Variants in PLSCR2 observed in about 807,000 individuals in gnomAD.
PLSCR2 encodes the protein PL scramblase 2.
Under a neutral mutation model 25.3 loss-of-function variants are expected in PLSCR2, and 18 were observed. The observed-to-expected ratio is 0.71, with a 90% confidence interval of 0.49 to 1.06. The LOEUF (loss-of-function observed/expected upper bound fraction) is 1.06. Ranked by LOEUF, PLSCR2 falls within the 50% of genes least tolerant of loss-of-function variation. The pLI is 0.00. For synonymous variants in PLSCR2, 88 were observed against 87.3 expected, an observed-to-expected ratio of 1.01 and a Z score of -0.04; for missense variants, 243 against 269.5, an observed-to-expected ratio of 0.90 and a Z score of 0.69.
At chr3:146,482,791 C>A (rs1325913861) in intron 1 of PLSCR2, among the ~76,000 whole-genome samples, 1 of 152,134 alleles carries the variant, frequency 6.6e-6, no homozygotes, top group Admixed American at 6.5e-5. Flanking sequence ...TTTATTGCAG[C>A]ACTATTCACA....
At chr3:146,452,861 T>C (rs1228166059) in intron 5 of PLSCR2, among the ~76,000 whole-genome samples, 1 of 151,926 alleles carries the variant, frequency 6.6e-6, no homozygotes, top group South Asian at 2.1e-4. Context: ...AAAGTTCCTA[T>C]ACATACATAT....
chr3:146,438,476 T>C (rs1267168134), downstream of PLSCR2, among the ~76,000 whole-genome samples: 2 of 152,248 alleles, frequency 1.3e-5, no homozygotes, highest in Non-Finnish European at 2.9e-5. Flanking sequence ...GATGCATATA[T>C]ATTTAGGATA....
At chr3:146,463,444 C>A (rs893909633), upstream of PLSCR2, among the ~76,000 whole-genome samples, 4 of 152,162 alleles carry the variant, frequency 2.6e-5, no homozygotes, top group Non-Finnish European at 4.4e-5. Flanking sequence ...CGTGAGCCAC[C>A]GCGCCCTGCC....
chr3:146,392,321 T>A (rs2038106752), intron 3 of PLSCR2, among the ~76,000 whole-genome samples: 1 of 152,118 alleles, frequency 6.6e-6, no homozygotes, highest in African/African-American at 2.4e-5. Flanking sequence ...GAGCACTTGA[T>A]TCCTTAAATC....
At chr3:146,469,463 T>C (rs913359311) in intron 1 of PLSCR2, 32 bp downstream of exon 1, 59 of 952,946 alleles carry the variant, frequency 6.2e-5, no homozygotes, top group Non-Finnish European at 7.4e-5. Context: ...CCCAGTCCCA[T>C]AGGGAGGCGA....
At chr3:146,398,977 A>G (rs2038371628) in intron 2 of PLSCR2, among the ~76,000 whole-genome samples, 1 of 151,874 alleles carries the variant, frequency 6.6e-6, no homozygotes, top group Non-Finnish European at 1.5e-5. Context: ...GAGAATCAAC[A>G]TAGAAGTGAG....
chr3:146,415,358 T>C (rs538268980), intron 2 of PLSCR2, among the ~76,000 whole-genome samples: 14 of 152,126 alleles, frequency 9.2e-5, no homozygotes, highest in Non-Finnish European at 1.9e-4. Context: ...TACTTCACCA[T>C]GGAAACAGGC....
At chr3:146,394,982 C>A (rs2038225268) in intron 3 of PLSCR2, among the ~76,000 whole-genome samples, 1 of 152,216 alleles carries the variant, frequency 6.6e-6, no homozygotes, top group Non-Finnish European at 1.5e-5. Flanking sequence ...GCTTCCCCTT[C>A]ACCTTCCACC....
chr3:146,412,968 T>C (rs1352098083), intron 2 of PLSCR2, among the ~76,000 whole-genome samples: 1 of 152,180 alleles, frequency 6.6e-6, no homozygotes, highest in Non-Finnish European at 1.5e-5. Context: ...AGTTGTTTAC[T>C]GAAATTAGAG....
exon 5 of PLSCR2, chr3:146,454,100 G>A (rs1233537350): frequency 6.2e-7 from 1 of 1,610,130 alleles, no homozygotes; most frequent in African/African-American, 1.3e-5. Flanking sequence ...AACTTTGTTA[G>A]ACATGGGTGC....
At chr3:146,462,195 T>A (rs1016219386), upstream of PLSCR2, among the ~76,000 whole-genome samples, 8 of 151,936 alleles carry the variant, frequency 5.3e-5, no homozygotes. Context: ...TAGTAGAGCC[T>A]TATCTGGCCA....
At chr3:146,392,546 A>G (rs2038114536) in intron 3 of PLSCR2, among the ~76,000 whole-genome samples, 1 of 151,888 alleles carries the variant, frequency 6.6e-6, no homozygotes, top group Non-Finnish European at 1.5e-5. Context: ...TTCTTAATTA[A>G]ATATCATTTT....
chr3:146,454,974 G>GC (rs1206920070), intron 4 of PLSCR2, among the ~76,000 whole-genome samples: 2 of 152,040 alleles, frequency 1.3e-5, no homozygotes, highest in African/African-American at 2.4e-5. Context: ...TGAAAAAGGT[G>GC]CCCTGTCTGA....
chr3:146,461,777 C>A, upstream of PLSCR2: 1 of 714,226 alleles, frequency 1.4e-6, no homozygotes, highest in Non-Finnish European at 2.5e-6. Flanking sequence ...AGAAGTTCAT[C>A]TAGGGAGACC....
At chr3:146,417,875 T>C (rs1306211091) in intron 2 of PLSCR2, among the ~76,000 whole-genome samples, 1 of 152,138 alleles carries the variant, frequency 6.6e-6, no homozygotes, top group African/African-American at 2.4e-5. Flanking sequence ...ATATTAAGTA[T>C]CAATTAAAAA....
intron 1 of PLSCR2, among the ~76,000 whole-genome samples, chr3:146,466,883 G>A (rs923246680): frequency 5.9e-5 from 9 of 152,172 alleles, no homozygotes; most frequent in African/African-American, 2.2e-4. Flanking sequence ...AGTGAAAGTT[G>A]TTAGAGGTTA....
At position 146,444,826 on chromosome 3, in the gene PLSCR2, T is replaced by C. The variant is rs149184175; in HGVS notation, c.646-3005A>G. Among the ~76,000 whole-genome samples the C allele has an allele frequency of 8.5e-5, 13 of 152,132 alleles. No individual in the cohort carries two copies. In the East Asian group the frequency reaches 2.3e-3, roughly 27 times the overall value. On this transcript the variant is annotated intron_variant, in intron 6 of 6. Coordinates refer to ENST00000610787, the Ensembl canonical transcript of PLSCR2. ...TTGTTTTCTGGTTATTTTTGTGATC[T>C]TCTCTTCCTTCTTTCCTTCCTTCCT...
intron 1 of PLSCR2, among the ~76,000 whole-genome samples, chr3:146,480,820 T>C (rs971531445): frequency 1.3e-5 from 2 of 151,944 alleles, no homozygotes; most frequent in African/African-American, 4.9e-5. Flanking sequence ...TGATCATTGA[T>C]GTGAAAATCC....
chr3:146,393,917 T>C, intron 3 of PLSCR2, among the ~76,000 whole-genome samples: 1 of 152,060 alleles, frequency 6.6e-6, no homozygotes, highest in East Asian at 1.9e-4. Context: ...CTAGTATAAA[T>C]GAAGAGATGT....
Sources: allele counts gnomAD v4.1 joint callset (sites outside exome capture counted in the v4.1 genomes callset), GRCh38; gene constraint gnomAD v4.1.1; transcripts MANE v1.5; gene names NCBI Gene and HGNC (gene_info 2026-07-23, HGNC 2026-07-21).